GNAI2: variants seen among roughly 807,000 people sequenced by gnomAD.
GNAI2 encodes guanine nucleotide-binding protein G(i) subunit alpha-2.
In GNAI2, 4 loss-of-function variants were observed where a neutral mutation model predicts 36.8. The ratio of observed to expected loss-of-function variants is 0.11; its 90% CI spans 0.05 to 0.25. GNAI2 has a LOEUF of 0.25. Ranked by LOEUF, GNAI2 falls within the 10% of genes least tolerant of loss-of-function variation. The pLI is 1.00. For missense variants in GNAI2, 230 were observed against 481.3 expected (o/e 0.48, Z 4.89); for synonymous variants, 194 against 194.1 (o/e 1.00, Z 0.01).
At chr3:50,257,475 C>G (rs781798762) in intron 7 of GNAI2, 25 bp from the exon 8 acceptor site, 2 of 1,514,202 alleles carry the variant, frequency 1.3e-6, no homozygotes, top group Non-Finnish European at 1.8e-6. Flanking sequence ...ACATGCAGCA[C>G]AAGTCTTCAT....
chr3:50,236,113 G>T (rs1700159165), upstream of GNAI2: 3 of 1,009,144 alleles, frequency 3.0e-6, no homozygotes, highest in African/African-American at 1.7e-5. This position sits in a 1 kb window ranked among gnomAD's most constrained non-coding sequence, Gnocchi z 4.0. Context: ...CTGCAAGCCC[G>T]CCCCGGCCCA....
chr3:50,247,786 G>C (rs587693451), intron 1 of GNAI2, among the ~76,000 whole-genome samples: 3 of 152,366 alleles, frequency 2.0e-5, no homozygotes, highest in Non-Finnish European at 4.4e-5. Context: ...GTGTGACTCA[G>C]TGGGAATGCC....
In GNAI2 at chr3:50,241,904, T is replaced by C. The variant is rs1198753482; in HGVS notation, c.118+5451T>C. 3.3e-5 allele frequency among the ~76,000 whole-genome samples: 5 copies of C among 152,060 alleles called. No homozygotes were observed. The highest frequency in any genetic ancestry group is 5.9e-5 in the Non-Finnish European group (4 of 67,992). On this transcript the variant is annotated intron_variant, in intron 1 of 8. Transcript: ENST00000313601. This position sits in a 1 kb window ranked among gnomAD's most constrained non-coding sequence, Gnocchi z 5.0. ...CACTGATGTCCCAGGCCCTTGAACA[T>C]CAGTTTGCCTGGCAAGTGGCAGCAG... is the stretch of plus-strand genomic sequence containing the variant.
rs180852414 is a variant in GNAI2, at chr3:50,253,105, C to T, written c.385C>T (p.Arg129Trp). The T allele has an allele frequency of 3.0e-5, 49 of 1,613,406 alleles. No individual in the cohort carries two copies. The East Asian group carries it at 8.5e-4, about 28-fold the overall frequency. Residue 129 changes from arginine to tryptophan, a missense_variant, in exon 4 of 9, where the codon CGG (arginine) becomes TGG (tryptophan). By Grantham distance (101) the Arg-to-Trp change is moderately radical. Around this residue, in one of 4 missense-constraint regions of GNAI2, gnomAD observed 132 missense variants for 247.4 expected, o/e 0.53. Transcript: ENST00000313601. This position sits in a 1 kb window ranked among gnomAD's most constrained non-coding sequence, Gnocchi z 4.2. ...CCCTGATGACCTGTCCGGCGTCATC[C>T]GGAGGCTCTGGGCTGACCATGGTGT... ...VLPDDLSGVI[R>W]RLWADHGVQA...
upstream of GNAI2, among the ~76,000 whole-genome samples, chr3:50,234,129 G>A (rs1700118155): frequency 7.0e-6 from 1 of 142,992 alleles, no homozygotes; most frequent in African/African-American, 2.6e-5. Context: ...TGCAGAGACA[G>A]AATCTCAGCT....
intron 1 of GNAI2, among the ~76,000 whole-genome samples, chr3:50,250,879 G>A (rs1553702359): frequency 6.6e-6 from 1 of 151,224 alleles, no homozygotes; most frequent in African/African-American, 2.4e-5. Context: ...GCACAATCTC[G>A]GCTCACTGCA....
At chr3:50,244,006 T>C (rs919115676) in intron 1 of GNAI2, among the ~76,000 whole-genome samples, 1 of 147,898 alleles carries the variant, frequency 6.8e-6, no homozygotes, top group Non-Finnish European at 1.5e-5. Flanking sequence ...CATGTGGTCA[T>C]GGGGGACCCC....
chr3:50,244,978 T>C (rs587724830), intron 1 of GNAI2, among the ~76,000 whole-genome samples: 1 of 151,756 alleles, frequency 6.6e-6, no homozygotes, highest in Admixed American at 6.6e-5. Context: ...TATCCAGCAC[T>C]AGAATCTGTG....
intron 1 of GNAI2, among the ~76,000 whole-genome samples, chr3:50,245,698 A>C (rs782806601): frequency 2.0e-5 from 3 of 152,186 alleles, no homozygotes; most frequent in Non-Finnish European, 4.4e-5. Flanking sequence ...CCTTTATATC[A>C]GGCCAGCCTT....
In GNAI2 at chr3:50,257,100, C is replaced by T. The variant is rs1559777640; in HGVS notation, c.877+10C>T. Reference sequence around the variant, plus strand: ...TTCCCTGAGTACACAGGTGTGGGGACTGTGGGGATAGGGCCTCCAGAGGGT... The same window carrying T: ...TTCCCTGAGTACACAGGTGTGGGGATTGTGGGGATAGGGCCTCCAGAGGGT... On this transcript the variant is annotated intron_variant, in intron 7 of 8. Transcript: ENST00000313601. 19 of 1,611,648 alleles carry T rather than the reference C, an allele frequency of 1.2e-5. No individual in the cohort carries two copies. Among genetic ancestry groups the T allele is most frequent in the Non-Finnish European group, 1.6e-5 (19 of 1,178,480 alleles).
intron 1 of GNAI2, chr3:50,251,882 A>G: frequency 3.8e-6 from 4 of 1,053,932 alleles, no homozygotes; most frequent in Non-Finnish European, 5.2e-6. Flanking sequence ...AGAGTCTGCC[A>G]TGGGGCACAG....
At chr3:50,236,123 A>T, upstream of GNAI2, 1 of 1,051,582 alleles carries the variant, frequency 9.5e-7, no homozygotes, top group Non-Finnish European at 1.2e-6. The surrounding 1 kb of genome is among the most constrained non-coding windows in gnomAD (Gnocchi z 4.0). Context: ...GCCCCGGCCC[A>T]GTCACAGGCT....
chr3:50,247,094 T>C (rs1421608699), intron 1 of GNAI2: 8 of 725,708 alleles, frequency 1.1e-5, no homozygotes, highest in Non-Finnish European at 1.7e-5. Context: ...AAATCTGTAC[T>C]CTTTCAAAGG....
intron 1 of GNAI2, 115 bp from the exon 2 acceptor site, chr3:50,251,985 G>A (rs1700568534): frequency 6.6e-6 from 7 of 1,060,734 alleles, no homozygotes; most frequent in Non-Finnish European, 9.8e-6. Flanking sequence ...ATCTCACGGT[G>A]CAGCTGGTGG....
At chr3:50,235,786 C>T (rs892461922), upstream of GNAI2, among the ~76,000 whole-genome samples, 1 of 152,250 alleles carries the variant, frequency 6.6e-6, no homozygotes, top group Non-Finnish European at 1.5e-5. Flanking sequence ...CCTCCTCCAC[C>T]TAACTCGCCC....
upstream of GNAI2, among the ~76,000 whole-genome samples, chr3:50,227,739 G>A (rs916733588): frequency 6.6e-6 from 1 of 152,222 alleles, no homozygotes; most frequent in African/African-American, 2.4e-5. The surrounding 1 kb of genome is among the most constrained non-coding windows in gnomAD (Gnocchi z 5.9). Flanking sequence ...GGGAAAATAA[G>A]AATTAGGGAG....
intron 7 of GNAI2, 36 bp from the exon 8 acceptor site, chr3:50,257,464 C>T: frequency 6.9e-7 from 1 of 1,454,062 alleles, no homozygotes. Flanking sequence ...CTGCCTGCCA[C>T]ACATGCAGCA....
Position 50,238,630 on chromosome 3 carries a change from T to TG in GNAI2, c.118+2181dup, listed in dbSNP as rs1426143768. Among the ~76,000 whole-genome samples the TG allele has an allele frequency of 1.3e-5, 2 of 152,094 alleles. No homozygotes were observed. Among genetic ancestry groups the TG allele is most frequent in the African/African-American group, 2.4e-5 (1 of 41,396 alleles). The stretch of plus-strand genomic sequence containing the variant: ...ACAAGAGCCTCCTGGTGGTTCTTGT[T>TG]GGGGATGTAGGTTGGGAGTAAAGAC... On this transcript the variant is annotated intron_variant, in intron 1 of 8. Transcript: ENST00000313601. This position sits in a 1 kb window ranked among gnomAD's most constrained non-coding sequence, Gnocchi z 5.0.
chr3:50,243,100 T>C (rs1700331077), intron 1 of GNAI2, among the ~76,000 whole-genome samples: 1 of 152,086 alleles, frequency 6.6e-6, no homozygotes, highest in South Asian at 2.1e-4. Flanking sequence ...CCCCCAGGGC[T>C]TTGCCAACTG....
Sources: allele counts gnomAD v4.1 joint callset (sites outside exome capture counted in the v4.1 genomes callset), GRCh38; gene constraint gnomAD v4.1.1; regional missense constraint gnomAD v4.1.1; non-coding constraint Gnocchi (gnomAD v3.1); transcripts MANE v1.5; gene names NCBI Gene and HGNC (gene_info 2026-07-23, HGNC 2026-07-21).